The following LRRFIP1 variants were observed in gnomAD, a reference collection of about 807,000 sequenced individuals.
The protein encoded by LRRFIP1 is leucine-rich repeat flightless-interacting protein 1.
Under a neutral mutation model 104.4 loss-of-function variants are expected in LRRFIP1, and 62 were observed. That is an observed-to-expected ratio of 0.59 (90% CI 0.48 to 0.73). LRRFIP1 has a LOEUF of 0.73. Among genes scored for constraint, LRRFIP1 ranks in the 30% least tolerant of loss-of-function variants. The probability of loss-of-function intolerance (pLI) is 0.00; values close to 1 mark genes in which losing one functional copy is unlikely to be tolerated. For missense variants in LRRFIP1, 796 were observed against 824.5 expected (o/e 0.97, Z 0.42); for synonymous variants, 300 against 299.0 (o/e 1.00, Z -0.03).
intron 1 of LRRFIP1, among the ~76,000 whole-genome samples, chr2:237,645,466 G>A (rs1034608488): frequency 6.6e-5 from 10 of 152,040 alleles, no homozygotes; most frequent in African/African-American, 1.7e-4. Flanking sequence ...ACCCCTCACC[G>A]TTCCCCTCTC....
intron 1 of LRRFIP1, among the ~76,000 whole-genome samples, chr2:237,662,955 T>G (rs1306354132): frequency 6.6e-6 from 1 of 152,218 alleles, no homozygotes; most frequent in Non-Finnish European, 1.5e-5. Flanking sequence ...AAACCGCTCC[T>G]TAATCTGCAT....
At chr2:237,701,648 G>A (rs976376897) in intron 1 of LRRFIP1, among the ~76,000 whole-genome samples, 12 of 152,222 alleles carry the variant, frequency 7.9e-5, no homozygotes, top group Admixed American at 3.9e-4. Context: ...GGCTCTGAGC[G>A]GGAGGCCCAT....
At position 237,632,534 on chromosome 2, in the gene LRRFIP1, A is replaced by C. The variant is rs188526730; in HGVS notation, c.96+4794A>C. Among the ~76,000 whole-genome samples the C allele has an allele frequency of 1.5e-3, 236 of 152,264 alleles. 1 individual carries two copies. Among genetic ancestry groups the C allele is most frequent in the African/African-American group, 5.5e-3 (227 of 41,550 alleles). On this transcript the variant is annotated intron_variant, in intron 1 of 23. Transcript: ENST00000308482. ...ATGCCCCTTGTTTCAGGTAGTTCGTAAATATCGGGTCTTTTCATCCTAAGT... is the reference window on the plus strand; with the variant it reads ...ATGCCCCTTGTTTCAGGTAGTTCGTCAATATCGGGTCTTTTCATCCTAAGT...
At chr2:237,708,523 A>G in intron 1 of LRRFIP1, 21 bp from the exon 2 acceptor site, 6 of 1,546,804 alleles carry the variant, frequency 3.9e-6, no homozygotes, top group Non-Finnish European at 4.4e-6. Context: ...GTCCTCTAAT[A>G]AGATGCCCTG....
chr2:237,688,740 T>C (rs765141702), intron 1 of LRRFIP1, among the ~76,000 whole-genome samples: 1 of 152,062 alleles, frequency 6.6e-6, no homozygotes, highest in Non-Finnish European at 1.5e-5. Context: ...ATTACAGGTG[T>C]GGGTCACTGT....
intron 1 of LRRFIP1, among the ~76,000 whole-genome samples, chr2:237,675,738 A>C (rs1342145566): frequency 6.6e-6 from 1 of 152,244 alleles, no homozygotes; most frequent in African/African-American, 2.4e-5. Context: ...AAATATCTCT[A>C]TCTTCCTTGT....
chr2:237,751,337 T>C, intron 14 of LRRFIP1, 66 bp downstream of exon 14: 1 of 1,254,872 alleles, frequency 8.0e-7, no homozygotes, highest in Non-Finnish European at 1.1e-6. Flanking sequence ...AAAAACAACA[T>C]CCTAAAGAAG....
At chr2:237,765,435 TAAAAAAAAA>T (rs60482580) in intron 19 of LRRFIP1, 18 of 453,680 alleles carry the variant, frequency 4.0e-5, no homozygotes, top group African/African-American at 1.1e-4. Flanking sequence ...ACACTGTCTC[TAAAAAAAAA>T]AAAAAAAAAA....
intron 8 of LRRFIP1, among the ~76,000 whole-genome samples, chr2:237,732,361 C>T (rs1187588197): frequency 8.5e-5 from 13 of 152,236 alleles, no homozygotes; most frequent in Non-Finnish European, 1.6e-4. Context: ...TTGGGCTTGC[C>T]GGTGGTGGCC....
intron 1 of LRRFIP1, among the ~76,000 whole-genome samples, chr2:237,666,577 A>ATC (rs35326590): frequency 0.6 from 91,021 of 150,928 alleles, 28,952 homozygotes; most frequent in Middle Eastern, 0.75. Context: ...GGGGATTTTC[A>ATC]TCTCTTCCTG....
At chr2:237,763,767 A>T (rs1261818393) in intron 19 of LRRFIP1, 2 of 1,614,258 alleles carry the variant, frequency 1.2e-6, no homozygotes. Flanking sequence ...GACACCGTTC[A>T]ATCATCAGGC....
chr2:237,687,071 G>A (rs59951178), intron 1 of LRRFIP1, among the ~76,000 whole-genome samples: 5,841 of 152,344 alleles, frequency 0.038, 338 homozygotes, highest in African/African-American at 0.13. Context: ...GAAGGAAGCA[G>A]CTCTGCGTCA....
intron 10 of LRRFIP1, among the ~76,000 whole-genome samples, chr2:237,737,133 G>A (rs760731868): frequency 4.6e-5 from 7 of 152,214 alleles, no homozygotes; most frequent in Non-Finnish European, 8.8e-5. Context: ...TTGCCCCCGC[G>A]CAGCTCCTGA....
rs1285720891 is a variant in LRRFIP1, at chr2:237,711,607, G to A, written c.184-2652G>A. On this transcript the variant is annotated intron_variant, in intron 2 of 23. Coordinates refer to ENST00000308482, the MANE Select transcript of LRRFIP1 (RefSeq NM_001137550.2). This position sits in a 1 kb window ranked among gnomAD's most constrained non-coding sequence, Gnocchi z 4.4. ...GTGGCTTGCGGCTGTGACACAGGGC[G>A]GGCGTCGTGGGCGCGGCTGTGGACT... Among the ~76,000 whole-genome samples, 6 of 152,220 alleles carry A rather than the reference G, an allele frequency of 3.9e-5. No homozygotes were observed. The highest frequency in any genetic ancestry group is 1.4e-4 in the African/African-American group (6 of 41,466).
intron 17 of LRRFIP1, among the ~76,000 whole-genome samples, chr2:237,757,910 G>C (rs943489401): frequency 2.0e-5 from 3 of 151,552 alleles, no homozygotes; most frequent in Non-Finnish European, 4.4e-5. Context: ...TATCTGCCTG[G>C]TGGTGCTTTG....
intron 1 of LRRFIP1, among the ~76,000 whole-genome samples, chr2:237,697,852 G>GTCA (rs3835817): frequency 0.25 from 37,479 of 152,016 alleles, 4,842 homozygotes; most frequent in East Asian, 0.32. Flanking sequence ...GTTAGTGGTA[G>GTCA]TCATGGTTCT....
intron 1 of LRRFIP1, among the ~76,000 whole-genome samples, chr2:237,666,946 T>TTTTC (rs1190229220): frequency 1.0e-4 from 13 of 124,128 alleles, no homozygotes; most frequent in African/African-American, 2.9e-4. Context: ...CTTTCTTTCT[T>TTTTC]TTTCTTTCTT....
chr2:237,643,179 T>C (rs1399499768), intron 1 of LRRFIP1, among the ~76,000 whole-genome samples: 3 of 152,276 alleles, frequency 2.0e-5, no homozygotes, highest in Admixed American at 1.3e-4. Context: ...AGTGTGCTCA[T>C]GGGCCACAGG....
At chr2:237,762,039 G>A (rs1354975328) in intron 19 of LRRFIP1, among the ~76,000 whole-genome samples, 1 of 152,170 alleles carries the variant, frequency 6.6e-6, no homozygotes, top group Admixed American at 6.5e-5. Flanking sequence ...TAGTTGAGTG[G>A]CAGAAGATAG....
Sources: gnomAD v4.1 joint callset for allele counts (sites outside exome capture counted in the v4.1 genomes callset) on GRCh38, gnomAD v4.1.1 for gene constraint, Gnocchi (gnomAD v3.1) non-coding constraint, MANE v1.5 for transcripts, NCBI Gene and HGNC (gene_info 2026-07-23, HGNC 2026-07-21) for gene names.